TOX: variants seen among roughly 807,000 people sequenced by gnomAD.
TOX encodes the protein thymocyte selection associated high mobility group box, also known as thymocyte selection-associated high mobility group box protein TOX.
Under a neutral mutation model 53.7 loss-of-function variants are expected in TOX, and 11 were observed. The ratio of observed to expected loss-of-function variants is 0.20; its 90% CI spans 0.13 to 0.34. The LOEUF is 0.34. Ranked by LOEUF, TOX falls within the 10% of genes least tolerant of loss-of-function variation. The pLI is 1.00. For synonymous variants in TOX, 225 were observed against 245.3 expected (o/e 0.92, Z 0.77); for missense variants, 570 against 664.6 (o/e 0.86, Z 1.56).
rs140254832 is a variant in TOX, at chr8:59,016,924, T to A, written c.103-56916A>T. Among the ~76,000 whole-genome samples the A allele has an allele frequency of 5.5e-3, 838 of 152,380 alleles. 2 individuals carry two copies. The highest frequency in any genetic ancestry group is 0.019 in the African/African-American group (802 of 41,600). On this transcript the variant is annotated intron_variant, in intron 1 of 8. Transcript: ENST00000361421. The stretch of plus-strand genomic sequence containing the variant: ...TAGAGTGTGCGCCTAGCAGAGCTTC[T>A]GGGTCAGCCTCCCAATCCCAATATT...
chr8:58,933,431 TA>T (rs1229025051), intron 3 of TOX, among the ~76,000 whole-genome samples: 2 of 152,184 alleles, frequency 1.3e-5, no homozygotes. Context: ...AATAGTTCCG[TA>T]GTTTCCTTTT....
intron 6 of TOX, among the ~76,000 whole-genome samples, chr8:58,821,122 T>C (rs889277072): frequency 6.6e-6 from 1 of 152,136 alleles, no homozygotes; most frequent in Non-Finnish European, 1.5e-5. Context: ...AAACTATAGA[T>C]GAATGCATTT....
intron 3 of TOX, among the ~76,000 whole-genome samples, chr8:58,907,701 C>T (rs1046168392): frequency 4.6e-5 from 7 of 152,140 alleles, no homozygotes; most frequent in Non-Finnish European, 5.9e-5. Flanking sequence ...ACCCCACATC[C>T]GCCCTCCTAG....
rs140553464 is a variant in TOX, at chr8:59,079,985, C to CT, written c.102+38900dup. On this transcript the variant is annotated intron_variant, in intron 1 of 8. Coordinates refer to ENST00000361421, the MANE Select transcript of TOX (RefSeq NM_014729.3). ...CTGTAGCCCCTTTCTGTTTTCTTTT[C>CT]TTTTTTTTTTTTTTTGAGATGGAGT... Among the ~76,000 whole-genome samples the CT allele has an allele frequency of 2.7e-3, 375 of 140,832 alleles. 2 individuals are homozygous for CT. The highest frequency in any genetic ancestry group is 4.5e-3 in the African/African-American group (171 of 37,734). The allele number at this position is 140,832 out of a possible 152,430, so 92.4% of individuals were successfully genotyped here.
In TOX at chr8:58,815,346, T is replaced by C. The variant is rs1810154961; in HGVS notation, c.1384A>G (p.Met462Val). 2.5e-6 allele frequency: 4 copies of C among 1,597,090 alleles called. No homozygotes were observed. Among genetic ancestry groups the C allele is most frequent in the South Asian group, 2.3e-5 (2 of 88,036 alleles). The stretch of plus-strand genomic sequence containing the variant: ...AGAGCCATTGCACTTACTTGCTGCA[T>C]GGTGGGTGAGTGTAAGGCAGACTGG... ...QVQSALHSPT[M>V]QQGFTLQPDY... The change falls in exon 7 of 9, where the codon ATG (methionine) becomes GTG (valine). Residue 462 changes from methionine to valine, a missense_variant. Around this residue, in one of 3 missense-constraint regions of TOX, gnomAD observed 239 missense variants for 250.7 expected, o/e 0.95. Transcript: ENST00000361421.
chr8:58,860,108 G>A (rs970751733), intron 3 of TOX, among the ~76,000 whole-genome samples: 1 of 152,052 alleles, frequency 6.6e-6, no homozygotes, highest in Admixed American at 6.6e-5. Context: ...CATTTTATTC[G>A]ATTTTTTTCC....
In TOX at chr8:59,071,445, G is replaced by A. The variant is rs142503514; in HGVS notation, c.102+47441C>T. Among the ~76,000 whole-genome samples, 917 of 152,214 alleles carry A rather than the reference G, an allele frequency of 6.0e-3. 24 individuals carry two copies. Among genetic ancestry groups the A allele is most frequent in the Non-Finnish European group, 1.8e-3 (125 of 68,022 alleles). On this transcript the variant is annotated intron_variant, in intron 1 of 8. Coordinates refer to ENST00000361421, the MANE Select transcript of TOX (RefSeq NM_014729.3). ...AAAGATGTTCCTTTCTTAATTAATT[G>A]TTCAATTATCAAGTTCCAACGGCAG... is the stretch of plus-strand genomic sequence containing the variant.
intron 1 of TOX, among the ~76,000 whole-genome samples, chr8:58,987,448 T>A (rs1011066224): frequency 1.3e-5 from 2 of 152,198 alleles, no homozygotes; most frequent in South Asian, 2.1e-4. Context: ...TTTGCATTCA[T>A]TAAGTTAGCC....
rs114402344 is a variant in TOX, at chr8:59,114,814, G to C, written c.102+4072C>G. On this transcript the variant is annotated intron_variant, in intron 1 of 8. Coordinates refer to ENST00000361421, the MANE Select transcript of TOX (RefSeq NM_014729.3). ...CTTACAAATCCTGTATTTTTGATGA[G>C]TATTGCCACATTAAAGTATAATACA... Among the ~76,000 whole-genome samples, 373 of 152,144 alleles carry C rather than the reference G, an allele frequency of 2.5e-3. 1 individual carries two copies. The highest frequency in any genetic ancestry group is 8.3e-3 in the African/African-American group (346 of 41,500).
intron 1 of TOX, among the ~76,000 whole-genome samples, chr8:59,030,787 C>A (rs949134761): frequency 6.6e-6 from 1 of 152,168 alleles, no homozygotes; most frequent in Non-Finnish European, 1.5e-5. Flanking sequence ...AGGATTTCCT[C>A]TGTTAACTTT....
intron 1 of TOX, among the ~76,000 whole-genome samples, chr8:59,052,065 A>G (rs1326872884): frequency 6.6e-6 from 1 of 152,210 alleles, no homozygotes; most frequent in Non-Finnish European, 1.5e-5. Context: ...ACATAAGACA[A>G]AGCTTACAAA....
intron 1 of TOX, among the ~76,000 whole-genome samples, chr8:59,066,331 A>G (rs1804092950): frequency 6.6e-6 from 1 of 152,216 alleles, no homozygotes; most frequent in Non-Finnish European, 1.5e-5. Flanking sequence ...AACACCACTG[A>G]TCTTTCATTA....
chr8:59,107,842 T>C (rs557087638), intron 1 of TOX, among the ~76,000 whole-genome samples: 7 of 152,340 alleles, frequency 4.6e-5, no homozygotes, highest in Non-Finnish European at 8.8e-5. Flanking sequence ...GCTTAGGTTG[T>C]AGCTGATGAG....
intron 1 of TOX, among the ~76,000 whole-genome samples, chr8:59,013,982 A>G (rs1239979880): frequency 6.6e-6 from 1 of 152,236 alleles, no homozygotes; most frequent in Admixed American, 6.5e-5. Flanking sequence ...ATTTATTTCT[A>G]AAACCCATTA....
intron 1 of TOX, among the ~76,000 whole-genome samples, chr8:59,049,198 T>C (rs946733955): frequency 1.3e-5 from 2 of 151,832 alleles, no homozygotes; most frequent in Admixed American, 1.3e-4. Context: ...CAGTTTGCTC[T>C]TTCAACTTAG....
intron 1 of TOX, among the ~76,000 whole-genome samples, chr8:59,026,259 T>A (rs1433651024): frequency 6.6e-6 from 1 of 152,172 alleles, no homozygotes; most frequent in Non-Finnish European, 1.5e-5. Flanking sequence ...GTCACTGTGA[T>A]GACCTACTTC....
At chr8:59,039,324 T>C (rs913533127) in intron 1 of TOX, among the ~76,000 whole-genome samples, 16 of 152,238 alleles carry the variant, frequency 1.1e-4, no homozygotes, top group Non-Finnish European at 2.2e-4. Context: ...ATCAAATATT[T>C]TCCAATCTTC....
In TOX at chr8:59,095,691, C is replaced by T. The variant is rs118038388; in HGVS notation, c.102+23195G>A. ...CTGGGATTACAGGCGTGAGCCACTGCGCCCAGACAATATTAAAAATAATTT... is the reference window on the plus strand; with the variant it reads ...CTGGGATTACAGGCGTGAGCCACTGTGCCCAGACAATATTAAAAATAATTT... On this transcript the variant is annotated intron_variant, in intron 1 of 8. Coordinates refer to ENST00000361421, the MANE Select transcript of TOX (RefSeq NM_014729.3). Among the ~76,000 whole-genome samples the T allele has an allele frequency of 7.5e-3, 1,140 of 152,314 alleles. 5 individuals carry two copies. Among genetic ancestry groups the T allele is most frequent in the Non-Finnish European group, 0.013 (851 of 68,030 alleles).
At chr8:59,036,535 T>A (rs1814462013) in intron 1 of TOX, among the ~76,000 whole-genome samples, 1 of 152,172 alleles carries the variant, frequency 6.6e-6, no homozygotes, top group Non-Finnish European at 1.5e-5. Context: ...ATTGTAGACA[T>A]CCTAAACACA....
Sources: gnomAD v4.1 joint callset for allele counts (sites outside exome capture counted in the v4.1 genomes callset) on GRCh38, gnomAD v4.1.1 for gene constraint, gnomAD v4.1.1 regional missense constraint, MANE v1.5 for transcripts, NCBI Gene and HGNC (gene_info 2026-07-23, HGNC 2026-07-21) for gene names.